NIBAN1: variants seen among roughly 807,000 people sequenced by gnomAD.
NIBAN1 encodes niban apoptosis regulator 1.
A neutral mutation model predicts 75.1 loss-of-function variants in NIBAN1; 81 were observed. The ratio of observed to expected loss-of-function variants is 1.08; its 90% CI spans 0.90 to 1.30. NIBAN1 has a LOEUF of 1.30. Ranked by LOEUF, NIBAN1 falls within the 50% of genes most tolerant of loss-of-function variation. The pLI is 0.00. For missense variants in NIBAN1, 1,133 were observed against 1,128.1 expected, an observed-to-expected ratio of 1.00 and a Z score of -0.06; for synonymous variants, 436 against 424.8, an observed-to-expected ratio of 1.03 and a Z score of -0.32.
intron 1 of NIBAN1, among the ~76,000 whole-genome samples, chr1:184,906,931 A>T (rs867776719): frequency 1.3e-5 from 2 of 152,302 alleles, no homozygotes; most frequent in Middle Eastern, 6.8e-3. Flanking sequence ...GTTTATCAGC[A>T]GTCTTTCTTG....
intron 1 of NIBAN1, among the ~76,000 whole-genome samples, chr1:184,922,908 T>A (rs918928050): frequency 6.6e-6 from 1 of 152,178 alleles, no homozygotes; most frequent in Non-Finnish European, 1.5e-5. Flanking sequence ...CACGCCTGAT[T>A]TAACTTAGAT....
chr1:184,880,188 C>G (rs188079842), intron 5 of NIBAN1, among the ~76,000 whole-genome samples: 2 of 152,344 alleles, frequency 1.3e-5, no homozygotes, highest in East Asian at 3.9e-4. Flanking sequence ...TCCAGTTCCT[C>G]TGTTCCCCCA....
chr1:184,803,229 G>C (rs1203608283), intron 12 of NIBAN1, among the ~76,000 whole-genome samples: 1 of 152,174 alleles, frequency 6.6e-6, no homozygotes, highest in African/African-American at 2.4e-5. Flanking sequence ...AGAAACACCT[G>C]GTATCCTTAG....
At position 184,862,347 on chromosome 1, in the gene NIBAN1, C is replaced by G. The variant is rs34359898; in HGVS notation, c.601+22286G>C. On this transcript the variant is annotated intron_variant, in intron 5 of 13. Coordinates refer to ENST00000367511, the MANE Select transcript of NIBAN1 (RefSeq NM_052966.4). ...TTAAGGTGAGATCTCACTATGTTGCCCAGGCTGGAGTGCTGTGGCTATTCA... is the reference window on the plus strand; with the variant it reads ...TTAAGGTGAGATCTCACTATGTTGCGCAGGCTGGAGTGCTGTGGCTATTCA... Among the ~76,000 whole-genome samples the G allele has an allele frequency of 5.9e-5, 9 of 151,910 alleles. 1 individual carries two copies. The East Asian group carries it at 1.7e-3, about 29-fold the overall frequency.
intron 1 of NIBAN1, among the ~76,000 whole-genome samples, chr1:184,929,662 C>CT (rs896475393): frequency 1.3e-5 from 2 of 151,982 alleles, no homozygotes; most frequent in African/African-American, 4.8e-5. Context: ...GAAAGTATGT[C>CT]TTTTTTCCTC....
intron 1 of NIBAN1, among the ~76,000 whole-genome samples, chr1:184,969,799 C>T (rs911688722): frequency 1.1e-4 from 17 of 151,700 alleles, no homozygotes; most frequent in East Asian, 9.7e-4. Context: ...CCCAAAGTGC[C>T]GGGATTACAG....
intron 1 of NIBAN1, among the ~76,000 whole-genome samples, chr1:184,921,596 T>C (rs1657556942): frequency 6.6e-6 from 1 of 152,158 alleles, no homozygotes. Flanking sequence ...AAAGAAACAG[T>C]ACAAAGTAAT....
At chr1:184,824,490 G>T (rs1654791622) in intron 6 of NIBAN1, among the ~76,000 whole-genome samples, 1 of 152,076 alleles carries the variant, frequency 6.6e-6, no homozygotes, top group African/African-American at 2.4e-5. Context: ...GCCCCAAAAG[G>T]CCCCTGCTAA....
chr1:184,813,050 A>G (rs991146044), intron 9 of NIBAN1, among the ~76,000 whole-genome samples: 1 of 152,214 alleles, frequency 6.6e-6, no homozygotes, highest in Non-Finnish European at 1.5e-5. Flanking sequence ...CACTTAATTA[A>G]AAGTGAATAT....
At position 184,794,239 on chromosome 1, in the gene NIBAN1, C is replaced by T. The variant is rs1653773930; in HGVS notation, c.*738G>A. 6.5e-6 allele frequency: 1 copy of T among 153,102 alleles called. No homozygotes were observed. The highest frequency in any genetic ancestry group is 2.4e-5 in the African/African-American group (1 of 41,430). The allele number at this position is 153,102 out of a possible 1,614,324, so 9.5% of individuals were successfully genotyped here. A position where few individuals can be genotyped will look rare whatever the true frequency, so the allele number is the denominator to read the frequency against. The stretch of plus-strand genomic sequence containing the variant: ...CACAGTCTAAGCCTAATTTGGAATG[C>T]TTTCAGTCTTACCCAGGCCAATAAA... On this transcript the variant is annotated 3_prime_UTR_variant, in exon 14 of 14. Transcript: ENST00000367511.
In NIBAN1 at chr1:184,823,731, G is replaced by A. The variant is rs776598565; in HGVS notation, c.729C>T (p.Asn243=). ...TGGGCAGGAGCTCCTCCATCACCAG[G>A]TTACTCAGGATCTGCGCAGCAGAAG... ...ITGDEIQILS[N]LVMEELLPTL... is the part of the protein sequence containing the mutation. Residue 243 remains asparagine, a synonymous_variant, in exon 7 of 14, where the codon AAC becomes AAT. Coordinates refer to ENST00000367511, the MANE Select transcript of NIBAN1 (RefSeq NM_052966.4). 4.3e-6 allele frequency: 7 copies of A among 1,613,966 alleles called. No homozygotes were observed. The highest frequency in any genetic ancestry group is 1.1e-5 in the South Asian group (1 of 91,084).
chr1:184,957,054 G>A (rs556135631), intron 1 of NIBAN1, among the ~76,000 whole-genome samples: 18 of 152,280 alleles, frequency 1.2e-4, no homozygotes, highest in African/African-American at 4.1e-4. Flanking sequence ...GGTAAACTGG[G>A]TCTCAAAAAC....
In NIBAN1 at chr1:184,795,136, G is replaced by A. The variant is rs1472958862; in HGVS notation, c.2628C>T (p.Ala876=). The A allele has an allele frequency of 6.2e-7, 1 of 1,614,126 alleles. No individual in the cohort carries two copies. Among genetic ancestry groups the A allele is most frequent in the South Asian group, 1.1e-5 (1 of 91,088 alleles). The part of the protein sequence containing the change: ...GGQSSAAQAT[A]SVNAEEIKVA... Reference sequence around the variant, plus strand: ...CCTTGATCTCCTCTGCATTCACACTGGCCGTGGCCTGGGCCGCGCTGCTTT... The same window carrying A: ...CCTTGATCTCCTCTGCATTCACACTAGCCGTGGCCTGGGCCGCGCTGCTTT... The change falls in exon 14 of 14, where the codon GCC becomes GCT. Residue 876 remains alanine (A), a synonymous_variant. Coordinates refer to ENST00000367511, the MANE Select transcript of NIBAN1 (RefSeq NM_052966.4).
At chr1:184,887,229 G>A (rs563737462) in intron 4 of NIBAN1, among the ~76,000 whole-genome samples, 1 of 152,242 alleles carries the variant, frequency 6.6e-6, no homozygotes, top group African/African-American at 2.4e-5. Flanking sequence ...GGTAACAGAG[G>A]AGAATGCACC....
intron 1 of NIBAN1, among the ~76,000 whole-genome samples, chr1:184,934,720 C>A (rs1373489170): frequency 1.3e-5 from 2 of 152,092 alleles, no homozygotes; most frequent in Non-Finnish European, 2.9e-5. Flanking sequence ...TATGGTAAAA[C>A]CCTGTCTCTA....
chr1:184,928,141 C>A (rs1040707461), intron 1 of NIBAN1, among the ~76,000 whole-genome samples: 14 of 152,102 alleles, frequency 9.2e-5, no homozygotes, highest in Non-Finnish European at 7.4e-5. Flanking sequence ...TTAGAAATGT[C>A]CTTTGGGAAC....
chr1:184,943,879 T>A (rs1193181731), intron 1 of NIBAN1, among the ~76,000 whole-genome samples: 1 of 152,188 alleles, frequency 6.6e-6, no homozygotes, highest in Non-Finnish European at 1.5e-5. Context: ...TAGTTCACTA[T>A]GGAAGAGTAC....
Position 184,872,572 on chromosome 1 carries a change from T to C in NIBAN1, c.601+12061A>G, listed in dbSNP as rs193227202. Reference sequence around the variant, plus strand: ...AATACAAAAAATTAGCTGGGCATGGTGGTATACCCCTGTAATCCTAGCAAC... The same window carrying C: ...AATACAAAAAATTAGCTGGGCATGGCGGTATACCCCTGTAATCCTAGCAAC... On this transcript the variant is annotated intron_variant, in intron 5 of 13. Transcript: ENST00000367511. 2.1e-4 allele frequency among the ~76,000 whole-genome samples: 32 copies of C among 152,150 alleles called. No homozygotes were observed. In the East Asian group the frequency reaches 4.1e-3, roughly 19 times the overall value.
intron 10 of NIBAN1, among the ~76,000 whole-genome samples, chr1:184,806,329 T>C (rs953693704): frequency 6.6e-6 from 1 of 152,210 alleles, no homozygotes; most frequent in Non-Finnish European, 1.5e-5. Flanking sequence ...CTCCTATTCT[T>C]TGATACCTGC....
Sources: gnomAD v4.1 joint callset for allele counts (sites outside exome capture counted in the v4.1 genomes callset) on GRCh38, gnomAD v4.1.1 for gene constraint, MANE v1.5 for transcripts, NCBI Gene and HGNC (gene_info 2026-07-23, HGNC 2026-07-21) for gene names.